Variants in MED12L observed in about 807,000 individuals in gnomAD.
The protein encoded by MED12L is mediator of RNA polymerase II transcription subunit 12-like protein.
Under a neutral mutation model 281.3 loss-of-function variants are expected in MED12L, and 60 were observed. That is an observed-to-expected ratio of 0.21 (90% CI 0.17 to 0.26). The LOEUF is 0.26. Among genes scored for constraint, MED12L ranks in the 10% least tolerant of loss-of-function variants. The pLI is 1.00. For synonymous variants in MED12L, 974 were observed against 987.2 expected (o/e 0.99, Z 0.25); for missense variants, 2,146 against 2,680.9 (o/e 0.80, Z 4.41).
chr3:151,314,370 C>T (rs113921065), intron 16 of MED12L, among the ~76,000 whole-genome samples: 17 of 152,246 alleles, frequency 1.1e-4, no homozygotes, highest in African/African-American at 3.8e-4. Context: ...TCAGAAAGAA[C>T]CTGTCTTTCA....
chr3:151,339,301 T>C (rs951374638), intron 16 of MED12L, among the ~76,000 whole-genome samples: 7 of 152,016 alleles, frequency 4.6e-5, no homozygotes, highest in Non-Finnish European at 1.0e-4. Flanking sequence ...TCTTTTACTG[T>C]AGTACCGTCA....
chr3:151,334,367 T>G (rs1750724641), intron 16 of MED12L, among the ~76,000 whole-genome samples: 1 of 151,578 alleles, frequency 6.6e-6, no homozygotes, highest in Non-Finnish European at 1.5e-5. Context: ...CAGTGAACAG[T>G]GATCAGATGT....
At chr3:151,209,277 C>A (rs767836114) in intron 16 of MED12L, among the ~76,000 whole-genome samples, 1 of 152,098 alleles carries the variant, frequency 6.6e-6, no homozygotes, top group South Asian at 2.1e-4. Context: ...TGCTTTGGGG[C>A]GCACTTTCTT....
chr3:151,290,634 GTT>G (rs63049361), intron 16 of MED12L, among the ~76,000 whole-genome samples: 62,308 of 149,048 alleles, frequency 0.42, 13,668 homozygotes, highest in African/African-American at 0.58. Context: ...TTACAGCCTT[GTT>G]TTTTTTTTTT....
chr3:151,190,963 C>G, intron 14 of MED12L, 32 bp downstream of exon 14: 1 of 1,590,608 alleles, frequency 6.3e-7, no homozygotes, highest in Non-Finnish European at 8.6e-7. Context: ...CCCACTCCCC[C>G]AGAAACTAAA....
In MED12L at chr3:151,122,768, C is replaced by G. The variant is rs1358986748; in HGVS notation, c.205-15C>G. 1.9e-6 allele frequency: 3 copies of G among 1,555,974 alleles called. No homozygotes were observed. Among genetic ancestry groups the G allele is most frequent in the Non-Finnish European group, 2.6e-6 (3 of 1,152,422 alleles). The stretch of plus-strand genomic sequence containing the variant: ...TATTGTCTTAACTTTCCCTTTTTTT[C>G]TCTTCTTTCCACAGATTGGAGCTTA... On this transcript the variant is annotated splice_polypyrimidine_tract_variant and intron_variant, in intron 3 of 44. Coordinates refer to ENST00000687756, the MANE Select transcript of MED12L (RefSeq NM_001393769.1).
intron 16 of MED12L, among the ~76,000 whole-genome samples, chr3:151,313,048 A>G (rs181429527): frequency 2.0e-5 from 3 of 152,292 alleles, no homozygotes; most frequent in Non-Finnish European, 4.4e-5. Flanking sequence ...TGCACATGTT[A>G]TTTGTTCTTT....
intron 2 of MED12L, among the ~76,000 whole-genome samples, chr3:151,111,636 C>T (rs1475552110): frequency 6.6e-6 from 1 of 152,184 alleles, no homozygotes; most frequent in East Asian, 1.9e-4. Flanking sequence ...AGAGGATGGC[C>T]TAGTGAGTTG....
At chr3:151,134,627 T>A (rs1330332138) in intron 5 of MED12L, among the ~76,000 whole-genome samples, 1 of 152,202 alleles carries the variant, frequency 6.6e-6, no homozygotes, top group Non-Finnish European at 1.5e-5. Context: ...TCTTAAGGAA[T>A]AAGCCACTGA....
At chr3:151,135,321 A>G (rs1437296328) in intron 5 of MED12L, among the ~76,000 whole-genome samples, 3 of 152,242 alleles carry the variant, frequency 2.0e-5, no homozygotes, top group African/African-American at 4.8e-5. Flanking sequence ...CTGGCCTGAT[A>G]GTACTTTTTA....
At chr3:151,130,243 T>G (rs1715177068) in intron 5 of MED12L, among the ~76,000 whole-genome samples, 2 of 151,974 alleles carry the variant, frequency 1.3e-5, no homozygotes, top group Admixed American at 1.3e-4. Flanking sequence ...ACATTTCTTC[T>G]TAGTAAATGT....
intron 16 of MED12L, among the ~76,000 whole-genome samples, chr3:151,276,360 TATA>T (rs1387759098): frequency 6.6e-6 from 1 of 152,244 alleles, no homozygotes; most frequent in Non-Finnish European, 1.5e-5. Context: ...CTTGTACTGA[TATA>T]ATTTTCAATT....
chr3:151,327,651 A>G (rs1165774895), intron 16 of MED12L: 8 of 169,064 alleles, frequency 4.7e-5, no homozygotes, highest in Non-Finnish European at 8.7e-5. Context: ...AGAATGTGAG[A>G]AGGTGTTTGG....
chr3:151,203,018 A>G (rs1725858461), intron 16 of MED12L: 1 of 151,822 alleles, frequency 6.6e-6, no homozygotes, highest in Non-Finnish European at 1.5e-5. Flanking sequence ...GGCTTTTTCT[A>G]CTTATAAGCC....
At position 151,375,866 on chromosome 3, in the gene MED12L, T is replaced by C. The variant is rs149580537; in HGVS notation, c.3865-160T>C. ...TTAGAAGCCAAAATGCTAAAAATTT[T>C]GTTTTTTAAAATTTTTCTACCTACT... On this transcript the variant is annotated intron_variant, in intron 27 of 44. Coordinates refer to ENST00000687756, the MANE Select transcript of MED12L (RefSeq NM_001393769.1). Among the ~76,000 whole-genome samples the C allele has an allele frequency of 2.5e-3, 388 of 152,250 alleles. 9 individuals carry two copies. The East Asian group carries it at 0.057, about 22-fold the overall frequency.
intron 16 of MED12L, among the ~76,000 whole-genome samples, chr3:151,207,353 T>A (rs918099247): frequency 6.6e-6 from 1 of 152,230 alleles, no homozygotes. Flanking sequence ...AGGAATCTTA[T>A]CACCTGCTAT....
chr3:151,271,134 G>A (rs1740869120), intron 16 of MED12L, among the ~76,000 whole-genome samples: 1 of 151,784 alleles, frequency 6.6e-6, no homozygotes, highest in Non-Finnish European at 1.5e-5. Flanking sequence ...TCTGTTAAAG[G>A]CTCAGACTAT....
chr3:151,088,656 T>A (rs1719597880), intron 2 of MED12L, among the ~76,000 whole-genome samples: 1 of 152,016 alleles, frequency 6.6e-6, no homozygotes, highest in African/African-American at 2.4e-5. Context: ...CTGGAAAGAG[T>A]AATTTTGGAT....
At chr3:151,158,482 A>G (rs1576851961) in intron 6 of MED12L, among the ~76,000 whole-genome samples, 1 of 151,940 alleles carries the variant, frequency 6.6e-6, no homozygotes, top group African/African-American at 2.4e-5. Context: ...ATTTTTCTCA[A>G]TTTGGAGCAG....
Sources: gnomAD v4.1 joint callset for allele counts (sites outside exome capture counted in the v4.1 genomes callset) on GRCh38, gnomAD v4.1.1 for gene constraint, MANE v1.5 for transcripts, NCBI Gene and HGNC (gene_info 2026-07-23, HGNC 2026-07-21) for gene names.